The following ENG variants were observed in gnomAD, a reference collection of about 807,000 sequenced individuals.
ENG encodes the protein CD105 antigen.
Under a neutral mutation model 71.0 loss-of-function variants are expected in ENG, and 17 were observed. The observed-to-expected ratio is 0.24, with a 90% confidence interval of 0.16 to 0.36. The LOEUF is 0.36. Ranked by LOEUF, ENG falls within the 10% of genes least tolerant of loss-of-function variation. The pLI is 1.00. For missense variants in ENG, 749 were observed against 868.3 expected (o/e 0.86, Z 1.73); for synonymous variants, 360 against 366.9 (o/e 0.98, Z 0.21).
intron 5 of ENG, 72 bp from the exon 6 acceptor site, chr9:127,825,429 T>C: frequency 1.3e-6 from 2 of 1,593,064 alleles, no homozygotes; most frequent in African/African-American, 2.7e-5. Context: ...TGGCGTCGGG[T>C]GGGCGGCGGC....
chr9:127,819,732 A>G (rs1564453470), intron 9 of ENG, 72 bp from the exon 10 acceptor site: 1 of 1,585,764 alleles, frequency 6.3e-7, no homozygotes, highest in African/African-American at 1.3e-5. Flanking sequence ...CAATACGCCC[A>G]TTTTTGCAGA....
At chr9:127,826,002 C>T (rs1830607349) in intron 4 of ENG, 142 bp from the exon 5 acceptor site, 9 of 1,125,490 alleles carry the variant, frequency 8.0e-6, no homozygotes, top group South Asian at 2.8e-5. Context: ...GACCTAGGTT[C>T]GAACTTCCCT....
At chr9:127,837,281 G>A (rs982251106) in intron 2 of ENG, among the ~76,000 whole-genome samples, 3 of 152,158 alleles carry the variant, frequency 2.0e-5, no homozygotes, top group Non-Finnish European at 4.4e-5. Context: ...GTGCAGGGAG[G>A]AGTTGAGCTC....
In ENG at chr9:127,838,858, C is replaced by T. The variant is rs528276154; in HGVS notation, c.219+4236G>A. Reference sequence around the variant, plus strand: ...AGACCTGCCCAGCACACGCACTGAGCGGCACTTCCCCAAGGCTCTCGGCTG... The same window carrying T: ...AGACCTGCCCAGCACACGCACTGAGTGGCACTTCCCCAAGGCTCTCGGCTG... On this transcript the variant is annotated intron_variant, in intron 2 of 14. Transcript: ENST00000373203. This position sits in a 1 kb window ranked among gnomAD's most constrained non-coding sequence, Gnocchi z 4.3. Among the ~76,000 whole-genome samples, 1 of 152,250 alleles carries T rather than the reference C, an allele frequency of 6.6e-6. No homozygotes were observed. Among genetic ancestry groups the T allele is most frequent in the South Asian group, 2.1e-4 (1 of 4,824 alleles).
intron 1 of ENG, among the ~76,000 whole-genome samples, chr9:127,851,105 T>C (rs41337148): frequency 0.14 from 21,518 of 152,154 alleles, 2,264 homozygotes; most frequent in African/African-American, 0.29. Flanking sequence ...GGTACCTGTA[T>C]CAATAAAGGA....
chr9:127,826,784 A>C, intron 3 of ENG, 112 bp from the exon 4 acceptor site: 8 of 1,400,284 alleles, frequency 5.7e-6, no homozygotes, highest in Non-Finnish European at 7.8e-6. Flanking sequence ...TGAGAGAAAG[A>C]GGCCGGAGCT....
chr9:127,819,753 A>C lies in ENG; in HGVS notation c.1273-93T>G, dbSNP rs1445039096. The C allele has an allele frequency of 3.1e-6, 5 of 1,590,954 alleles. No homozygotes were observed. The African/African-American group carries it at 6.7e-5, about 21-fold the overall frequency. On this transcript the variant is annotated intron_variant, in intron 9 of 14. Transcript: ENST00000373203. ...GCCCATTTTTGCAGATGGGGAGACT[A>C]AGCCAACCAATGGCCAAGCTTGTCT...
chr9:127,842,512 A>T (rs971570643), intron 2 of ENG, among the ~76,000 whole-genome samples: 1 of 151,248 alleles, frequency 6.6e-6, no homozygotes, highest in Non-Finnish European at 1.5e-5. Context: ...GCAACCTCCA[A>T]CTCACTGGTT....
At position 127,819,700 on chromosome 9, in the gene ENG, G is replaced by A. The variant is rs1319457626; in HGVS notation, c.1273-40C>T. 1.9e-6 allele frequency: 3 copies of A among 1,591,868 alleles called. No homozygotes were observed. The East Asian group carries it at 6.8e-5, about 36-fold the overall frequency. ...CCAGGGAGCTGGTCAGAGCCAGAAA[G>A]GACCCCAGAGGGTATCCCACCCAAT... On this transcript the variant is annotated intron_variant, in intron 9 of 14. Coordinates refer to ENST00000373203, the MANE Select transcript of ENG (RefSeq NM_001114753.3).
At chr9:127,818,584 T>C in intron 11 of ENG, 132 bp downstream of exon 11, 1 of 1,370,676 alleles carries the variant, frequency 7.3e-7, no homozygotes. Flanking sequence ...TGTCTCTCCC[T>C]CTCCCGTGCA....
At chr9:127,816,161 C>T (rs1830309080) in intron 13 of ENG, 108 bp from the exon 14 acceptor site, 6 of 1,361,026 alleles carry the variant, frequency 4.4e-6, no homozygotes, top group Non-Finnish European at 6.1e-6. Context: ...CAGCCATGGA[C>T]CCTCGACTTC....
intron 1 of ENG, among the ~76,000 whole-genome samples, chr9:127,852,214 T>C (rs945786633): frequency 2.6e-5 from 4 of 152,228 alleles, no homozygotes; most frequent in African/African-American, 9.7e-5. Flanking sequence ...GGACCACGCA[T>C]CTTTACAGAG....
In ENG at chr9:127,854,425, G is replaced by A. The variant is rs562538400; in HGVS notation, c.-70C>T. Reference sequence around the variant, plus strand: ...AGTGGCAGGGCTGCGGGCGGGCACCGGGGCCGGCGTGGGCTCGCACGGGGA... The same window carrying A: ...AGTGGCAGGGCTGCGGGCGGGCACCAGGGCCGGCGTGGGCTCGCACGGGGA... On this transcript the variant is annotated 5_prime_UTR_variant, in exon 1 of 15. Transcript: ENST00000373203. The A allele has an allele frequency of 3.7e-4, 555 of 1,505,208 alleles. 3 individuals carry two copies. Among genetic ancestry groups the A allele is most frequent in the South Asian group, 2.8e-3 (231 of 81,640 alleles). The allele number at this position is 1,505,208 out of a possible 1,614,324, so 93.2% of individuals were successfully genotyped here. A position where few individuals can be genotyped will look rare whatever the true frequency, so the allele number is the denominator to read the frequency against.
chr9:127,834,313 C>T (rs781142378), intron 2 of ENG, among the ~76,000 whole-genome samples: 1 of 152,116 alleles, frequency 6.6e-6, no homozygotes, highest in Admixed American at 6.6e-5. Context: ...TCTCTGCTCA[C>T]CGCAACCTCC....
chr9:127,820,082 T>G, intron 8 of ENG, 45 bp from the exon 9 acceptor site: 1 of 1,602,566 alleles, frequency 6.2e-7, no homozygotes. Flanking sequence ...CTGGGGTCTC[T>G]GTGGCCTGCC....
rs561818608 is a variant in ENG, at chr9:127,818,725, G to C, written c.1419C>G (p.Ser473Arg). The C allele has an allele frequency of 8.7e-6, 14 of 1,614,024 alleles. No homozygotes were observed. The highest frequency in any genetic ancestry group is 2.7e-5 in the African/African-American group (2 of 74,934). Residue 473 changes from serine to arginine, a missense_variant, in exon 11 of 15, where the codon AGC becomes AGG. By Grantham distance (110) the Ser-to-Arg change is moderately radical. Coordinates refer to ENST00000373203, the MANE Select transcript of ENG (RefSeq NM_001114753.3). Reference protein sequence around the residue: ...ASNTIEPGQQSFVQVRVSPSV... With the variant: ...ASNTIEPGQQRFVQVRVSPSV... ...CAGGCATGCCAGGTACCTGCACAAA[G>C]CTCTGCTGCCCCGGCTCGATGGTGT...
chr9:127,824,705 C>A (rs1370928222), intron 7 of ENG, 95 bp downstream of exon 7: 1 of 1,367,318 alleles, frequency 7.3e-7, no homozygotes, highest in African/African-American at 1.5e-5. Flanking sequence ...GGCTGATGTA[C>A]CTTGCCCAAG....
chr9:127,843,474 C>T (rs576555180), intron 1 of ENG, among the ~76,000 whole-genome samples: 5 of 151,500 alleles, frequency 3.3e-5, no homozygotes, highest in Non-Finnish European at 7.4e-5. Flanking sequence ...CGTATAGGGT[C>T]GATGAATAGA....
intron 3 of ENG, chr9:127,826,987 A>C: frequency 2.6e-6 from 1 of 390,310 alleles, no homozygotes; most frequent in Non-Finnish European, 4.9e-6. Flanking sequence ...GTCTCTCCCT[A>C]TACCCTGAGG....
Sources: allele counts gnomAD v4.1 joint callset (sites outside exome capture counted in the v4.1 genomes callset), GRCh38; gene constraint gnomAD v4.1.1; non-coding constraint Gnocchi (gnomAD v3.1); transcripts MANE v1.5; gene names NCBI Gene and HGNC (gene_info 2026-07-23, HGNC 2026-07-21).